CDH2: variants seen among roughly 807,000 people sequenced by gnomAD.
The protein encoded by CDH2 is cadherin 2.
Under a neutral mutation model 92.0 loss-of-function variants are expected in CDH2, and 17 were observed. The ratio of observed to expected loss-of-function variants is 0.18; its 90% CI spans 0.13 to 0.28. CDH2 has a LOEUF of 0.28. Among genes scored for constraint, CDH2 ranks in the 10% least tolerant of loss-of-function variants. The pLI is 1.00. For synonymous variants in CDH2, 419 were observed against 415.9 expected, an observed-to-expected ratio of 1.01 and a Z score of -0.09; for missense variants, 862 against 1,133.1, an observed-to-expected ratio of 0.76 and a Z score of 3.44.
At chr18:28,000,638 C>T (rs1327124619) in intron 7 of CDH2, among the ~76,000 whole-genome samples, 1 of 151,996 alleles carries the variant, frequency 6.6e-6, no homozygotes, top group Non-Finnish European at 1.5e-5. Context: ...AGGAATACTA[C>T]CAGCAAGTAA....
chr18:28,079,050 A>T (rs1326982271), intron 2 of CDH2, among the ~76,000 whole-genome samples: 1 of 152,186 alleles, frequency 6.6e-6, no homozygotes. Context: ...TTAACTCTGT[A>T]CCTAGCAACT....
chr18:27,963,621 G>T, intron 14 of CDH2, 100 bp from the exon 15 acceptor site: 1 of 1,020,880 alleles, frequency 9.8e-7, no homozygotes, highest in Non-Finnish European at 1.4e-6. Context: ...ATAGAAATGA[G>T]GAAAATTTAA....
At chr18:28,073,080 C>T (rs2014651545) in intron 2 of CDH2, among the ~76,000 whole-genome samples, 1 of 151,950 alleles carries the variant, frequency 6.6e-6, no homozygotes, top group Admixed American at 6.6e-5. Context: ...TTTATAGATG[C>T]ACATAATACA....
chr18:28,161,024 A>G (rs976876718), intron 1 of CDH2, among the ~76,000 whole-genome samples: 1 of 152,160 alleles, frequency 6.6e-6, no homozygotes, highest in South Asian at 2.1e-4. Context: ...CCCCCTTTCA[A>G]CTTTGTTTAG....
Position 28,009,723 on chromosome 18 carries a change from C to T in CDH2, c.696G>A (p.Arg232=). Residue 232 remains arginine, a synonymous_variant, in exon 5 of 16, where the codon CGG becomes CGA. Transcript: ENST00000269141. Reference sequence around the variant, plus strand: ...CAGCTGGTTGGAATCTTACATGAAACCGGGCTATCTGCTCGCGATCCAGGG... The same window carrying T: ...CAGCTGGTTGGAATCTTACATGAAATCGGGCTATCTGCTCGCGATCCAGGG... ...TKPLDREQIA[R]FHLRAHAVDI... is the part of the protein sequence containing the mutation. 2 of 1,613,406 alleles carry T rather than the reference C, an allele frequency of 1.2e-6. No individual in the cohort carries two copies. Among genetic ancestry groups the T allele is most frequent in the Non-Finnish European group, 1.7e-6 (2 of 1,179,732 alleles).
intron 2 of CDH2, among the ~76,000 whole-genome samples, chr18:28,142,891 C>T (rs1021173438): frequency 2.6e-5 from 4 of 151,992 alleles, no homozygotes. Context: ...TTTAGTAATA[C>T]ATCATACAAA....
intron 11 of CDH2, 22 bp from the exon 12 acceptor site, chr18:27,985,783 A>C (rs767853264): frequency 7.2e-6 from 10 of 1,381,792 alleles, no homozygotes; most frequent in Non-Finnish European, 7.2e-6. Context: ...GAAAAATCAC[A>C]AATGATGCTG....
intron 2 of CDH2, among the ~76,000 whole-genome samples, chr18:28,125,678 T>C (rs571975312): frequency 1.3e-5 from 2 of 152,312 alleles, no homozygotes; most frequent in African/African-American, 4.8e-5. Flanking sequence ...GCATTTACTA[T>C]GTGCTGAGCT....
intron 14 of CDH2, 64 bp from the exon 15 acceptor site, chr18:27,963,585 G>C (rs2011465521): frequency 6.9e-7 from 1 of 1,458,476 alleles, no homozygotes. Flanking sequence ...TTACAACCTC[G>C]CTTTTTAAGC....
chr18:28,012,669 A>T (rs2013134630), intron 3 of CDH2, among the ~76,000 whole-genome samples: 1 of 152,202 alleles, frequency 6.6e-6, no homozygotes, highest in Admixed American at 6.5e-5. Flanking sequence ...AATCAACAAC[A>T]AAAGCATCTT....
At chr18:28,174,271 A>G (rs2016505360) in intron 1 of CDH2, among the ~76,000 whole-genome samples, 1 of 152,048 alleles carries the variant, frequency 6.6e-6, no homozygotes, top group South Asian at 2.1e-4. Flanking sequence ...AAAAACCTAG[A>G]CTGTTAATAG....
intron 7 of CDH2, among the ~76,000 whole-genome samples, chr18:27,996,615 G>A (rs566960383): frequency 2.6e-5 from 4 of 152,220 alleles, no homozygotes; most frequent in African/African-American, 7.2e-5. Context: ...GTTATCAGTC[G>A]TATGTCTGTA....
At position 27,993,717 on chromosome 18, in the gene CDH2, T is replaced by C. The variant is rs896040206; in HGVS notation, c.1021-80A>G. 3.9e-5 allele frequency: 42 copies of C among 1,074,338 alleles called. 1 individual carries two copies. The South Asian group carries it at 6.1e-4, about 16-fold the overall frequency. 66.6% of individuals were successfully genotyped at this position (1,074,338 alleles called of 1,614,324 possible). ...AACAGTTGTTCTGTAAACGGCTCTT[T>C]ATAATGCAAGGAGAGCATGGCATCA... On this transcript the variant is annotated intron_variant, in intron 7 of 15. Transcript: ENST00000269141.
intron 2 of CDH2, among the ~76,000 whole-genome samples, chr18:28,044,095 T>C (rs565126030): frequency 6.6e-6 from 1 of 151,902 alleles, no homozygotes; most frequent in East Asian, 1.9e-4. Context: ...ATATTTTTAG[T>C]AGAGATAGGT....
At chr18:27,984,389 C>T (rs547843351) in intron 13 of CDH2, among the ~76,000 whole-genome samples, 1 of 152,256 alleles carries the variant, frequency 6.6e-6, no homozygotes, top group South Asian at 2.1e-4. Context: ...TTCCATTGAA[C>T]CAAAGATTGC....
intron 2 of CDH2, among the ~76,000 whole-genome samples, chr18:28,075,214 A>C (rs1255746409): frequency 6.6e-6 from 1 of 152,192 alleles, no homozygotes; most frequent in East Asian, 1.9e-4. Flanking sequence ...TAAAGTAAAA[A>C]GTGCTGTGAT....
intron 2 of CDH2, among the ~76,000 whole-genome samples, chr18:28,111,566 C>A (rs569575486): frequency 2.0e-5 from 3 of 152,260 alleles, no homozygotes; most frequent in African/African-American, 4.8e-5. Flanking sequence ...GAGGCAGGTG[C>A]CGGCTCTCTG....
At chr18:28,100,761 C>T (rs915061889) in intron 2 of CDH2, among the ~76,000 whole-genome samples, 4 of 152,126 alleles carry the variant, frequency 2.6e-5, no homozygotes, top group Admixed American at 2.6e-4. Context: ...TCTAATGAAA[C>T]CTAAGAACTT....
intron 6 of CDH2, among the ~76,000 whole-genome samples, chr18:27,937,253 TTAAAA>T (rs1228580594): frequency 6.6e-6 from 1 of 152,190 alleles, no homozygotes; most frequent in African/African-American, 2.4e-5. Context: ...TTTATTATAA[TTAAAA>T]TAAAGACATT....
Sources: gnomAD v4.1 joint callset for allele counts (sites outside exome capture counted in the v4.1 genomes callset) on GRCh38, gnomAD v4.1.1 for gene constraint, MANE v1.5 for transcripts, NCBI Gene and HGNC (gene_info 2026-07-23, HGNC 2026-07-21) for gene names.